The following TOX variants were observed in gnomAD, a reference collection of about 807,000 sequenced individuals.
The protein encoded by TOX is thymocyte selection associated high mobility group box.
In TOX, 11 loss-of-function variants were observed where a neutral mutation model predicts 53.7. That is an observed-to-expected ratio of 0.20 (90% CI 0.13 to 0.34). The LOEUF is 0.34. TOX is among the 10% of genes least tolerant of loss of function. TOX has a pLI of 1.00. For synonymous variants in TOX, 225 were observed against 245.3 expected (o/e 0.92, Z 0.77); for missense variants, 570 against 664.6 (o/e 0.86, Z 1.56).
At chr8:58,871,548 T>G (rs567733262) in intron 3 of TOX, among the ~76,000 whole-genome samples, 1 of 152,174 alleles carries the variant, frequency 6.6e-6, no homozygotes, top group South Asian at 2.1e-4. Context: ...ATTTTGGAAA[T>G]GAGAGAAGTC....
chr8:59,021,107 T>G (rs1382157690), intron 1 of TOX, among the ~76,000 whole-genome samples: 1 of 12,470 alleles, frequency 8.0e-5, no homozygotes, highest in Admixed American at 6.5e-4. Flanking sequence ...AGACCCTGTC[T>G]CAAAAAAAAA....
chr8:58,862,802 A>G (rs1811033518), intron 3 of TOX, among the ~76,000 whole-genome samples: 1 of 152,184 alleles, frequency 6.6e-6, no homozygotes, highest in East Asian at 1.9e-4. Context: ...ACTGATATAA[A>G]GATCATAATT....
chr8:58,864,089 T>C (rs532240839), intron 3 of TOX, among the ~76,000 whole-genome samples: 1 of 152,224 alleles, frequency 6.6e-6, no homozygotes, highest in East Asian at 1.9e-4. Flanking sequence ...ATCTGCTATA[T>C]TTTCATAAAA....
At chr8:59,007,426 T>C (rs1180747593) in intron 1 of TOX, among the ~76,000 whole-genome samples, 1 of 152,144 alleles carries the variant, frequency 6.6e-6, no homozygotes, top group Non-Finnish European at 1.5e-5. Flanking sequence ...GTGTGTAACT[T>C]TCACTAGTTA....
At chr8:58,979,287 G>A (rs1813158845) in intron 1 of TOX, among the ~76,000 whole-genome samples, 2 of 152,178 alleles carry the variant, frequency 1.3e-5, no homozygotes, top group South Asian at 4.1e-4. Flanking sequence ...TAGTGACCAG[G>A]AATGTTTGCA....
intron 1 of TOX, among the ~76,000 whole-genome samples, chr8:58,980,385 G>C (rs1363290673): frequency 2.0e-5 from 3 of 151,730 alleles, no homozygotes; most frequent in African/African-American, 7.3e-5. Context: ...TCAGTGATCT[G>C]TCCAATACTG....
intron 1 of TOX, among the ~76,000 whole-genome samples, chr8:59,063,534 C>T (rs777179578): frequency 4.0e-5 from 6 of 151,244 alleles, no homozygotes; most frequent in South Asian, 2.1e-4. Context: ...AGTGATTCTC[C>T]AAACTCAGCC....
At chr8:58,900,510 T>C (rs1811718515) in intron 3 of TOX, among the ~76,000 whole-genome samples, 1 of 152,156 alleles carries the variant, frequency 6.6e-6, no homozygotes, top group Non-Finnish European at 1.5e-5. Context: ...AAGCTGTTTT[T>C]AACTAATTTT....
intron 1 of TOX, among the ~76,000 whole-genome samples, chr8:58,980,120 T>C (rs1028424680): frequency 5.3e-5 from 8 of 152,348 alleles, no homozygotes; most frequent in Non-Finnish European, 1.0e-4. Flanking sequence ...GATAGCTTAA[T>C]ACAGCTGTTA....
intron 1 of TOX, among the ~76,000 whole-genome samples, chr8:59,040,462 C>A (rs1481922406): frequency 6.6e-6 from 1 of 152,200 alleles, no homozygotes; most frequent in Non-Finnish European, 1.5e-5. Context: ...AACCTCCCAC[C>A]CTGCCAATCA....
chr8:58,841,069 T>C (rs1366502033), intron 4 of TOX, among the ~76,000 whole-genome samples: 1 of 152,250 alleles, frequency 6.6e-6, no homozygotes, highest in African/African-American at 2.4e-5. Context: ...TAATCTCACA[T>C]GTAAGCAGGG....
intron 1 of TOX, among the ~76,000 whole-genome samples, chr8:59,109,960 T>C (rs1804983467): frequency 6.6e-6 from 1 of 152,176 alleles, no homozygotes; most frequent in African/African-American, 2.4e-5. Context: ...CTAGAAAACC[T>C]GCTTTGGGAT....
rs772950650 is a variant in TOX, at chr8:58,838,104, C to T, written c.901G>A (p.Gly301Ser). 19 of 1,613,976 alleles carry T rather than the reference C, an allele frequency of 1.2e-5. No homozygotes were observed. The highest frequency in any genetic ancestry group is 9.9e-5 in the South Asian group (9 of 91,076). The change falls in exon 5 of 9, where the codon GGT becomes AGT. Residue 301 changes from glycine to serine, a missense_variant. Physicochemically the swap from Gly to Ser is moderately conservative, Grantham distance 56. Transcript: ENST00000361421. ...ACCTGTTTTTGCTCTTCTCCTAAAC[C>T]GTCCCACATTGAAGCCACAATTTTA... is the stretch of plus-strand genomic sequence containing the variant. The part of the protein sequence containing the change: ...VSKIVASMWD[G>S]LGEEQKQVYK...
At chr8:58,924,992 C>T (rs1812130938) in intron 3 of TOX, among the ~76,000 whole-genome samples, 1 of 152,168 alleles carries the variant, frequency 6.6e-6, no homozygotes, top group African/African-American at 2.4e-5. Context: ...CTCACTGCAG[C>T]GCTCCCTACT....
intron 3 of TOX, among the ~76,000 whole-genome samples, chr8:58,869,093 G>T (rs1811152380): frequency 6.6e-6 from 1 of 152,034 alleles, no homozygotes; most frequent in Non-Finnish European, 1.5e-5. Context: ...TGGGCATGGT[G>T]GTGCGTGCCT....
chr8:59,048,479 G>A (rs1803728738), intron 1 of TOX, among the ~76,000 whole-genome samples: 1 of 152,098 alleles, frequency 6.6e-6, no homozygotes, highest in South Asian at 2.1e-4. Context: ...CACCCAAAAA[G>A]CATAAAACAT....
At chr8:59,084,258 A>G (rs1356514187) in intron 1 of TOX, among the ~76,000 whole-genome samples, 2 of 152,176 alleles carry the variant, frequency 1.3e-5, no homozygotes, top group African/African-American at 4.8e-5. Context: ...CAAACTATAA[A>G]CCAAATGCTA....
intron 3 of TOX, among the ~76,000 whole-genome samples, chr8:58,927,293 G>C (rs967514277): frequency 2.6e-5 from 4 of 152,148 alleles, no homozygotes; most frequent in African/African-American, 9.7e-5. Context: ...AGTCATCACG[G>C]TGCCGAGTTC....
At chr8:58,822,987 A>G (rs1390173741) in intron 6 of TOX, among the ~76,000 whole-genome samples, 3 of 152,190 alleles carry the variant, frequency 2.0e-5, no homozygotes, top group African/African-American at 7.2e-5. Context: ...AATGCCTACC[A>G]CAGTGTAAGG....
Sources: gnomAD v4.1 joint callset for allele counts (sites outside exome capture counted in the v4.1 genomes callset) on GRCh38, gnomAD v4.1.1 for gene constraint, MANE v1.5 for transcripts, NCBI Gene and HGNC (gene_info 2026-07-23, HGNC 2026-07-21) for gene names.